The following DNER variants were observed in gnomAD, a reference collection of about 807,000 sequenced individuals.
DNER encodes the protein delta/notch like EGF repeat containing, also known as delta and Notch-like epidermal growth factor-related receptor.
DNER carries 33 observed loss-of-function variants against 78.2 expected under a neutral mutation model. The observed-to-expected ratio is 0.42, with a 90% confidence interval of 0.32 to 0.56. The LOEUF (loss-of-function observed/expected upper bound fraction) is 0.56, where lower values mean the gene tolerates loss of function less well. Among genes scored for constraint, DNER ranks in the 20% least tolerant of loss-of-function variants. The pLI, the probability that DNER is intolerant of heterozygous loss-of-function variation, is 0.11. For missense variants in DNER, 918 were observed against 975.3 expected, an observed-to-expected ratio of 0.94 and a Z score of 0.78; for synonymous variants, 417 against 384.8, an observed-to-expected ratio of 1.08 and a Z score of -0.98.
intron 12 of DNER, among the ~76,000 whole-genome samples, chr2:229,364,256 C>T (rs1205875336): frequency 6.6e-6 from 1 of 151,940 alleles, no homozygotes; most frequent in Non-Finnish European, 1.5e-5. Context: ...TGAGTTGGTG[C>T]CCTGGGATGA....
chr2:229,420,864 C>T (rs1693748905), intron 8 of DNER, among the ~76,000 whole-genome samples: 1 of 152,048 alleles, frequency 6.6e-6, no homozygotes, highest in Admixed American at 6.6e-5. Flanking sequence ...ACAGAGGTTC[C>T]TCAAAAAATA....
intron 4 of DNER, among the ~76,000 whole-genome samples, chr2:229,566,583 C>T (rs1176806699): frequency 6.6e-6 from 1 of 152,108 alleles, no homozygotes; most frequent in East Asian, 1.9e-4. Flanking sequence ...TGCTGTCATA[C>T]CCTCAGCCTC....
At chr2:229,656,901 G>C (rs1341539148) in intron 1 of DNER, among the ~76,000 whole-genome samples, 1 of 151,738 alleles carries the variant, frequency 6.6e-6, no homozygotes, top group Non-Finnish European at 1.5e-5. Flanking sequence ...TGAAGTATAC[G>C]ACATAATGAC....
chr2:229,373,759 T>TA (rs1394781521), intron 11 of DNER, among the ~76,000 whole-genome samples: 2 of 151,994 alleles, frequency 1.3e-5, no homozygotes, highest in East Asian at 1.9e-4. Flanking sequence ...CATGCAGCCA[T>TA]AAAAAAAGAG....
intron 6 of DNER, among the ~76,000 whole-genome samples, chr2:229,478,241 C>A (rs940139379): frequency 8.6e-5 from 13 of 151,602 alleles, no homozygotes; most frequent in African/African-American, 2.9e-4. Flanking sequence ...TAGTGTAACA[C>A]TTTATTTCTA....
intron 5 of DNER, among the ~76,000 whole-genome samples, chr2:229,515,205 G>A (rs1695946054): frequency 6.6e-6 from 1 of 152,150 alleles, no homozygotes; most frequent in Admixed American, 6.5e-5. Flanking sequence ...GAAGCTAAGA[G>A]AAGCTGTCAG....
chr2:229,538,224 C>T (rs780844323), intron 5 of DNER, among the ~76,000 whole-genome samples: 13 of 152,236 alleles, frequency 8.5e-5, no homozygotes, highest in Non-Finnish European at 1.9e-4. Context: ...GATCACCCTG[C>T]TATTAGCAAA....
chr2:229,397,463 C>CAAAAAAAAAAAAAAAAAAAAAAAAAAAA lies in DNER; in HGVS notation c.1724-9068_1724-9067insTTTTTTTTTTTTTTTTTTTTTTTTTTTT, dbSNP rs763572496. On this transcript the variant is annotated intron_variant, in intron 10 of 12. Coordinates refer to ENST00000341772, the MANE Select transcript of DNER (RefSeq NM_139072.4). ...ACTGCTCCACTCCAGCCAAACACTA[C>CAAAAAAAAAAAAAAAAAAAAAAAAAAAA]AAAAAAAAAAAAAAAACTGCAAGTC... Among the ~76,000 whole-genome samples, 2 of 96,594 alleles carry CAAAAAAAAAAAAAAAAAAAAAAAAAAAA rather than the reference C, an allele frequency of 2.1e-5. 1 individual carries two copies. 63.4% of individuals were successfully genotyped at this position (96,594 alleles called of 152,430 possible).
intron 5 of DNER, among the ~76,000 whole-genome samples, chr2:229,538,661 G>C (rs1002312668): frequency 6.6e-6 from 1 of 152,056 alleles, no homozygotes; most frequent in African/African-American, 2.4e-5. Context: ...GAATAAATCA[G>C]ACTAACATAA....
intron 1 of DNER, among the ~76,000 whole-genome samples, chr2:229,630,555 ATTTAC>A (rs1270964691): frequency 6.6e-6 from 1 of 151,294 alleles, no homozygotes; most frequent in East Asian, 1.9e-4. Context: ...AATATGTCTC[ATTTAC>A]CCATGGCACA....
chr2:229,460,681 A>G (rs2154210837), intron 7 of DNER, among the ~76,000 whole-genome samples: 1 of 152,236 alleles, frequency 6.6e-6, no homozygotes, highest in Non-Finnish European at 1.5e-5. Context: ...GGCATAGCCT[A>G]CTAATCTGCT....
chr2:229,384,955 A>G (rs1203105306), intron 11 of DNER, among the ~76,000 whole-genome samples: 2 of 152,094 alleles, frequency 1.3e-5, no homozygotes, highest in East Asian at 3.8e-4. Flanking sequence ...GAGACGCAAC[A>G]AAAAAAGAAA....
chr2:229,468,562 A>C (rs1574856810), intron 7 of DNER, among the ~76,000 whole-genome samples: 1 of 151,956 alleles, frequency 6.6e-6, no homozygotes, highest in African/African-American at 2.4e-5. Context: ...TCCATCTCCA[A>C]CCTGGTCAGT....
chr2:229,407,091 T>C (rs1693404353), intron 10 of DNER, 141 bp downstream of exon 10: 1 of 730,576 alleles, frequency 1.4e-6, no homozygotes, highest in Non-Finnish European at 2.3e-6. Context: ...TAGATCTTCA[T>C]CCAAGCCATG....
chr2:229,672,140 G>A (rs1399958764), intron 1 of DNER, among the ~76,000 whole-genome samples: 2 of 152,208 alleles, frequency 1.3e-5, no homozygotes, highest in South Asian at 2.1e-4. Flanking sequence ...TCTGGGGTCA[G>A]GGGCTCGGCA....
chr2:229,703,550 T>C (rs1387668786), intron 1 of DNER, among the ~76,000 whole-genome samples: 1 of 152,158 alleles, frequency 6.6e-6, no homozygotes, highest in Admixed American at 6.5e-5. Context: ...CAGACTTCAT[T>C]GGTCTCTAAA....
intron 1 of DNER, among the ~76,000 whole-genome samples, chr2:229,627,074 A>G (rs932406820): frequency 2.0e-5 from 3 of 152,218 alleles, no homozygotes; most frequent in Non-Finnish European, 2.9e-5. Flanking sequence ...TGAATTTATC[A>G]GAATGTCTCT....
At chr2:229,666,378 A>C (rs928067827) in intron 1 of DNER, among the ~76,000 whole-genome samples, 3 of 152,194 alleles carry the variant, frequency 2.0e-5, no homozygotes, top group Non-Finnish European at 4.4e-5. Flanking sequence ...TAAAACAAGC[A>C]CCCAAAAATA....
intron 6 of DNER, among the ~76,000 whole-genome samples, chr2:229,511,092 T>C (rs1695856628): frequency 6.6e-6 from 1 of 152,138 alleles, no homozygotes; most frequent in South Asian, 2.1e-4. Context: ...TAAATGAATT[T>C]CACTTTTATA....
Sources: gnomAD v4.1 joint callset for allele counts (sites outside exome capture counted in the v4.1 genomes callset) on GRCh38, gnomAD v4.1.1 for gene constraint, MANE v1.5 for transcripts, NCBI Gene and HGNC (gene_info 2026-07-23, HGNC 2026-07-21) for gene names.